AFF3: variants seen among roughly 807,000 people sequenced by gnomAD.
AFF3 encodes AF4/FMR2 family member 3.
A neutral mutation model predicts 129.7 loss-of-function variants in AFF3; 32 were observed. That is an observed-to-expected ratio of 0.25 (90% CI 0.19 to 0.33). AFF3 has a LOEUF of 0.33. AFF3 is among the 10% of genes least tolerant of loss of function. The pLI, the probability that AFF3 is intolerant of heterozygous loss-of-function variation, is 1.00. For missense variants in AFF3, 1,373 were observed against 1,592.0 expected (o/e 0.86, Z 2.34); for synonymous variants, 644 against 635.4 (o/e 1.01, Z -0.20).
At chr2:99,665,558 T>C (rs566782578) in intron 12 of AFF3, among the ~76,000 whole-genome samples, 3 of 152,190 alleles carry the variant, frequency 2.0e-5, no homozygotes, top group South Asian at 2.1e-4. Flanking sequence ...AGAAGTCCAG[T>C]TGGGCACAGA....
At chr2:99,610,876 T>C (rs1157729879) in intron 13 of AFF3, among the ~76,000 whole-genome samples, 2 of 152,218 alleles carry the variant, frequency 1.3e-5, no homozygotes, top group African/African-American at 4.8e-5. Flanking sequence ...ACTTTCTGGA[T>C]AATTTCCAGC....
chr2:99,944,293 T>C (rs182646862), intron 7 of AFF3, among the ~76,000 whole-genome samples: 4 of 152,370 alleles, frequency 2.6e-5, no homozygotes, highest in Admixed American at 2.0e-4. Context: ...CTCTGTTTAA[T>C]GTCAGATAAC....
chr2:99,971,281 T>C (rs1678350530), intron 7 of AFF3, among the ~76,000 whole-genome samples: 1 of 152,204 alleles, frequency 6.6e-6, no homozygotes, highest in Admixed American at 6.5e-5. Context: ...CCTGCAATAG[T>C]TGCCTAATTC....
chr2:99,676,749 T>C (rs1673965037), intron 11 of AFF3, among the ~76,000 whole-genome samples: 1 of 152,210 alleles, frequency 6.6e-6, no homozygotes. Flanking sequence ...AAGGGTCATG[T>C]TCCTGAGAGA....
At chr2:99,594,392 G>T in intron 14 of AFF3, 103 bp from the exon 15 acceptor site, 1 of 1,471,158 alleles carries the variant, frequency 6.8e-7, no homozygotes, top group Non-Finnish European at 9.1e-7. Context: ...AAGTATATGA[G>T]CAGAAAACGA....
At chr2:99,821,176 C>T (rs1687649719) in intron 8 of AFF3, among the ~76,000 whole-genome samples, 1 of 152,104 alleles carries the variant, frequency 6.6e-6, no homozygotes, top group Non-Finnish European at 1.5e-5. Flanking sequence ...TCTGGCCTCC[C>T]CTACATCTTT....
Position 99,696,715 on chromosome 2 carries a change from G to GGCACAATCATA in AFF3, c.1092-24127_1092-24126insTATGATTGTGC, listed in dbSNP as rs11283941. On this transcript the variant is annotated intron_variant, in intron 11 of 24. Coordinates refer to ENST00000672756, the MANE Select transcript of AFF3 (RefSeq NM_001386135.1). ...TTTGTTGCCCAGGCTGGAGTGCAGT[G>GGCACAATCATA]GCTCACTGCAGCCTCAAACTCCTGG... Among the ~76,000 whole-genome samples, 164 of 151,952 alleles carry GGCACAATCATA rather than the reference G, an allele frequency of 1.1e-3. 4 individuals carry two copies. In the South Asian group the frequency reaches 0.03, roughly 28 times the overall value.
rs1279629633 is a variant in AFF3, at chr2:99,589,771, G to A, written c.2467-2493C>T. ...AAGGTCACCTGATTAAGGTCACTGA[G>A]GAGGCCAAGGACCATAAATAACCTT... is the stretch of plus-strand genomic sequence containing the variant. On this transcript the variant is annotated intron_variant, in intron 15 of 24. Coordinates refer to ENST00000672756, the MANE Select transcript of AFF3 (RefSeq NM_001386135.1). Among the ~76,000 whole-genome samples, 9 of 152,266 alleles carry A rather than the reference G, an allele frequency of 5.9e-5. No individual in the cohort carries two copies. In the East Asian group the frequency reaches 1.7e-3, roughly 29 times the overall value.
intron 7 of AFF3, among the ~76,000 whole-genome samples, chr2:99,958,439 C>T (rs932068692): frequency 6.7e-6 from 1 of 148,636 alleles, no homozygotes; most frequent in Non-Finnish European, 1.5e-5. Context: ...GAGCCGAGAT[C>T]GTGTCACTGC....
intron 7 of AFF3, among the ~76,000 whole-genome samples, chr2:99,894,574 T>C (rs1693800500): frequency 1.3e-5 from 2 of 151,782 alleles, no homozygotes; most frequent in Admixed American, 6.6e-5. Context: ...GTTCACGCCA[T>C]TCTCCTGCCT....
rs75413961 is a variant in AFF3, at chr2:99,969,952, T to C, written c.873+36680A>G. On this transcript the variant is annotated intron_variant, in intron 7 of 24. Transcript: ENST00000672756. ...AGAAAAGTGTCCCACATTTGTATAA[T>C]GTTCTCCTCTTGCAGGCATTCTCTG... is the stretch of plus-strand genomic sequence containing the variant. Among the ~76,000 whole-genome samples, 825 of 152,346 alleles carry C rather than the reference T, an allele frequency of 5.4e-3. 1 individual carries two copies. Among genetic ancestry groups the C allele is most frequent in the Middle Eastern group, 0.01 (3 of 294 alleles).
rs561231388 is a variant in AFF3, at chr2:99,762,486, C to T, written c.922-10185G>A. Among the ~76,000 whole-genome samples, 17 of 152,242 alleles carry T rather than the reference C, an allele frequency of 1.1e-4. No homozygotes were observed. The South Asian group carries it at 2.9e-3, about 26-fold the overall frequency. Reference sequence around the variant, plus strand: ...CTGTGAGCTTTCTTGTCATGTGTTACCACTATCAGAATATTTTTAAAATCC... The same window carrying T: ...CTGTGAGCTTTCTTGTCATGTGTTATCACTATCAGAATATTTTTAAAATCC... On this transcript the variant is annotated intron_variant, in intron 8 of 24. Coordinates refer to ENST00000672756, the MANE Select transcript of AFF3 (RefSeq NM_001386135.1).
At chr2:100,106,950 AGTAACG>A (rs1300401690) in intron 2 of AFF3, 1 of 985,382 alleles carries the variant, frequency 1.0e-6, no homozygotes, top group Admixed American at 6.1e-5. Flanking sequence ...AAAGCCATGT[AGTAACG>A]GGCAGATTTA....
chr2:99,576,096 C>T (rs970209058), intron 18 of AFF3, among the ~76,000 whole-genome samples: 6 of 151,294 alleles, frequency 4.0e-5, no homozygotes, highest in Non-Finnish European at 5.9e-5. Context: ...AGTGGTAGCA[C>T]GATCTCAGCT....
At chr2:99,843,147 G>A (rs770145904) in intron 7 of AFF3, among the ~76,000 whole-genome samples, 2 of 152,166 alleles carry the variant, frequency 1.3e-5, no homozygotes, top group Admixed American at 6.5e-5. Context: ...TACCACAAAA[G>A]CATTGGTGAG....
chr2:100,018,540 A>C (rs1184466998), intron 4 of AFF3, among the ~76,000 whole-genome samples: 1 of 152,210 alleles, frequency 6.6e-6, no homozygotes, highest in Non-Finnish European at 1.5e-5. Flanking sequence ...GAATTGTTCC[A>C]TGATAAATAA....
intron 11 of AFF3, among the ~76,000 whole-genome samples, chr2:99,706,444 C>T (rs910750993): frequency 5.3e-5 from 8 of 152,218 alleles, no homozygotes; most frequent in East Asian, 1.9e-4. Context: ...GGCTTCTCAG[C>T]GGATTTCTCC....
At chr2:99,725,528 C>T (rs1227077266) in intron 11 of AFF3, among the ~76,000 whole-genome samples, 1 of 151,970 alleles carries the variant, frequency 6.6e-6, no homozygotes, top group Non-Finnish European at 1.5e-5. Flanking sequence ...CGAGGTTTTG[C>T]CATTTTGGCC....
intron 8 of AFF3, among the ~76,000 whole-genome samples, chr2:99,835,193 G>C (rs1335305731): frequency 6.6e-6 from 1 of 152,074 alleles, no homozygotes; most frequent in Non-Finnish European, 1.5e-5. Context: ...CTCCATAGCA[G>C]CCAGAGTGGT....
Sources: gnomAD v4.1 joint callset for allele counts (sites outside exome capture counted in the v4.1 genomes callset) on GRCh38, gnomAD v4.1.1 for gene constraint, MANE v1.5 for transcripts, NCBI Gene and HGNC (gene_info 2026-07-23, HGNC 2026-07-21) for gene names.